Variants in CFAP299 observed in about 807,000 individuals in gnomAD.
The protein encoded by CFAP299 is cilia and flagella associated protein 299.
CFAP299 carries 21 observed loss-of-function variants against 27.0 expected under a neutral mutation model. The observed-to-expected ratio is 0.78, with a 90% CI of 0.55 to 1.12. The LOEUF is 1.12. Among genes scored for constraint, CFAP299 ranks in the 50% most tolerant of loss-of-function variants. The pLI, the probability that CFAP299 is intolerant of heterozygous loss-of-function variation, is 0.00. For synonymous variants in CFAP299, 104 were observed against 98.1 expected (o/e 1.06, Z -0.36); for missense variants, 310 against 276.6 (o/e 1.12, Z -0.86).
intron 3 of CFAP299, among the ~76,000 whole-genome samples, chr4:80,686,830 G>A (rs191908764): frequency 6.6e-6 from 1 of 152,306 alleles, no homozygotes; most frequent in Admixed American, 6.5e-5. Flanking sequence ...TTGGTGGCAT[G>A]TGCGTGGTAT....
At chr4:80,669,978 T>C (rs1741383617) in intron 3 of CFAP299, among the ~76,000 whole-genome samples, 2 of 151,998 alleles carry the variant, frequency 1.3e-5, no homozygotes, top group South Asian at 2.1e-4. Context: ...GTGAATTTTA[T>C]GGAATTTTTT....
At chr4:80,809,507 A>AT (rs1349940073) in intron 3 of CFAP299, among the ~76,000 whole-genome samples, 1 of 152,118 alleles carries the variant, frequency 6.6e-6, no homozygotes, top group Admixed American at 6.6e-5. Flanking sequence ...CACAGCCAGG[A>AT]TTAATCCCTC....
intron 3 of CFAP299, among the ~76,000 whole-genome samples, chr4:80,732,484 A>G (rs1036125935): frequency 8.5e-5 from 13 of 152,164 alleles, no homozygotes; most frequent in African/African-American, 3.1e-4. Context: ...AAAAACAGCA[A>G]CTGGAGAGAA....
the CFAP299 span, among the ~76,000 whole-genome samples, chr4:80,322,310 C>G: frequency 6.6e-6 from 1 of 152,184 alleles, no homozygotes; most frequent in Non-Finnish European, 1.5e-5. Flanking sequence ...AACAAAACAG[C>G]AACAACAGCA....
chr4:80,911,701 A>C (rs1392437247), intron 4 of CFAP299, among the ~76,000 whole-genome samples: 1 of 152,182 alleles, frequency 6.6e-6, no homozygotes, highest in African/African-American at 2.4e-5. Context: ...CTCAAAAGCC[A>C]TACCACACAT....
intron 2 of CFAP299, among the ~76,000 whole-genome samples, chr4:80,398,660 C>T (rs1725956558): frequency 6.6e-6 from 1 of 152,102 alleles, no homozygotes; most frequent in Admixed American, 6.6e-5. Flanking sequence ...AAACTGGATC[C>T]CTTCCTTACA....
rs187488445 is a variant in CFAP299, at chr4:80,908,572, G to A, written c.477-36238G>A. On this transcript the variant is annotated intron_variant, in intron 4 of 5. Coordinates refer to ENST00000358105, the MANE Select transcript of CFAP299 (RefSeq NM_152770.3). ...CTCTGATTTGGTGATGTACCTGCCC[G>A]TACACATTAGTGTCACCAGAAAACA... Among the ~76,000 whole-genome samples the A allele has an allele frequency of 5.3e-5, 8 of 152,198 alleles. No homozygotes were observed. The East Asian group carries it at 7.7e-4, about 15-fold the overall frequency.
intron 4 of CFAP299, among the ~76,000 whole-genome samples, chr4:80,915,358 T>C (rs1487394999): frequency 6.6e-6 from 1 of 152,062 alleles, no homozygotes; most frequent in Non-Finnish European, 1.5e-5. Flanking sequence ...TTGTAATTCT[T>C]ACCCTTTTTT....
the CFAP299 span, among the ~76,000 whole-genome samples, chr4:80,330,685 A>G: frequency 6.6e-6 from 1 of 152,150 alleles, no homozygotes; most frequent in African/African-American, 2.4e-5. Flanking sequence ...ATATCTCTTT[A>G]TCAAAAAGAA....
chr4:80,634,505 G>A (rs1425564473), intron 3 of CFAP299, among the ~76,000 whole-genome samples: 2 of 151,958 alleles, frequency 1.3e-5, no homozygotes, highest in East Asian at 3.9e-4. Flanking sequence ...ATACATAATA[G>A]CATACTTAAA....
intron 2 of CFAP299, among the ~76,000 whole-genome samples, chr4:80,500,084 C>T (rs771451246): frequency 2.6e-5 from 4 of 151,974 alleles, no homozygotes; most frequent in Non-Finnish European, 4.4e-5. Flanking sequence ...TAGTCTACAA[C>T]CCACCACAGT....
intron 3 of CFAP299, among the ~76,000 whole-genome samples, chr4:80,593,033 C>G (rs541941067): frequency 3.5e-4 from 54 of 152,276 alleles, no homozygotes; most frequent in African/African-American, 1.2e-3. Flanking sequence ...AAAAACGGAA[C>G]ACAAGTGAGC....
intron 3 of CFAP299, among the ~76,000 whole-genome samples, chr4:80,768,175 C>G (rs1267337158): frequency 6.6e-6 from 1 of 152,190 alleles, no homozygotes; most frequent in Non-Finnish European, 1.5e-5. Flanking sequence ...AACCAAACAT[C>G]AGTAATAACA....
chr4:80,730,668 A>G (rs1723468537), intron 3 of CFAP299, among the ~76,000 whole-genome samples: 1 of 152,170 alleles, frequency 6.6e-6, no homozygotes, highest in African/African-American at 2.4e-5. Flanking sequence ...ACCTTGAGAC[A>G]AAGGTAACCT....
intron 3 of CFAP299, among the ~76,000 whole-genome samples, chr4:80,714,608 C>T (rs1722368643): frequency 6.6e-6 from 1 of 152,072 alleles, no homozygotes; most frequent in Admixed American, 6.6e-5. Flanking sequence ...GAGAATAGAC[C>T]TGGAGTCATG....
intron 3 of CFAP299, among the ~76,000 whole-genome samples, chr4:80,792,994 G>C (rs1727655739): frequency 6.6e-6 from 1 of 151,924 alleles, no homozygotes; most frequent in South Asian, 2.1e-4. Context: ...TGAATTTTGA[G>C]CTTCAAAAAT....
intron 2 of CFAP299, among the ~76,000 whole-genome samples, chr4:80,380,144 A>G (rs928885503): frequency 1.3e-5 from 2 of 152,090 alleles, no homozygotes; most frequent in Non-Finnish European, 2.9e-5. Flanking sequence ...GAGCTATATC[A>G]TTGTTCAATA....
chr4:80,444,929 T>C (rs1338117323), intron 2 of CFAP299, among the ~76,000 whole-genome samples: 1 of 152,126 alleles, frequency 6.6e-6, no homozygotes, highest in African/African-American at 2.4e-5. Context: ...AAAAAGCTCA[T>C]CATCATTGGT....
At chr4:80,342,480 A>G (rs189653041) in intron 1 of CFAP299, among the ~76,000 whole-genome samples, 1 of 152,334 alleles carries the variant, frequency 6.6e-6, no homozygotes, top group East Asian at 1.9e-4. Context: ...CTCAGTGGAA[A>G]CCCTACAAGC....
Sources: gnomAD v4.1 joint callset for allele counts (sites outside exome capture counted in the v4.1 genomes callset) on GRCh38, gnomAD v4.1.1 for gene constraint, MANE v1.5 for transcripts, NCBI Gene and HGNC (gene_info 2026-07-23, HGNC 2026-07-21) for gene names.